The following EIF4G1 variants were observed in gnomAD, a reference collection of about 807,000 sequenced individuals.
The protein encoded by EIF4G1 is EIF4-gamma.
EIF4G1 carries 4 observed loss-of-function variants against 187.8 expected under a neutral mutation model. That is an observed-to-expected ratio of 0.02 (90% CI 0.01 to 0.05). The LOEUF (loss-of-function observed/expected upper bound fraction) is 0.05, where lower values mean the gene tolerates loss of function less well. Ranked by LOEUF, EIF4G1 falls within the 10% of genes least tolerant of loss-of-function variation. The pLI is 1.00. For synonymous variants in EIF4G1, 844 were observed against 781.4 expected, an observed-to-expected ratio of 1.08 and a Z score of -1.34; for missense variants, 1,647 against 2,081.1, an observed-to-expected ratio of 0.79 and a Z score of 4.06.
rs140705298 is a variant in EIF4G1, at chr3:184,326,538, C to G, written c.3234C>G (p.Ile1078Met). 3.1e-6 allele frequency: 5 copies of G among 1,613,744 alleles called. No individual in the cohort carries two copies. The highest frequency in any genetic ancestry group is 8.5e-7 in the Non-Finnish European group (1 of 1,180,034). The change falls in exon 22 of 33, where the codon ATC becomes ATG. Residue 1078 changes from isoleucine to methionine, a missense_variant. Coordinates refer to ENST00000346169, the MANE Select transcript of EIF4G1 (RefSeq NM_198241.3). ...RLTKITKPGS[I>M]DSNNQLFAPG... ...CTTTTCTTCTTCAGCCTGGCTCCATCGATTCTAACAACCAGCTCTTTGCAC... is the reference window on the plus strand; with the variant it reads ...CTTTTCTTCTTCAGCCTGGCTCCATGGATTCTAACAACCAGCTCTTTGCAC...
rs776300961 is a variant in EIF4G1, at chr3:184,320,747, C to T, written c.630+25C>T. 12 of 1,614,086 alleles carry T rather than the reference C, an allele frequency of 7.4e-6. No homozygotes were observed. In the South Asian group the frequency reaches 1.2e-4, roughly 16 times the overall value. ...GGTACTGTCTGCTTTTCGAGTGATACCCTGGCTGGGATGTCTGTTCTGCCC... is the reference window on the plus strand; with the variant it reads ...GGTACTGTCTGCTTTTCGAGTGATATCCTGGCTGGGATGTCTGTTCTGCCC... On this transcript the variant is annotated intron_variant, in intron 8 of 32. Coordinates refer to ENST00000346169, the MANE Select transcript of EIF4G1 (RefSeq NM_198241.3).
chr3:184,324,180 G>C, intron 16 of EIF4G1, 21 bp from the exon 17 acceptor site: 1 of 1,614,182 alleles, frequency 6.2e-7, no homozygotes, highest in South Asian at 1.1e-5. Flanking sequence ...TCTTGAGTGT[G>C]ACATTCTCTC....
At chr3:184,329,927 C>T (rs1560229273) in intron 28 of EIF4G1, among the ~76,000 whole-genome samples, 1 of 152,206 alleles carries the variant, frequency 6.6e-6, no homozygotes, top group African/African-American at 2.4e-5. Flanking sequence ...GGAGGAATCA[C>T]ACTTGGGATT....
Position 184,321,931 on chromosome 3 carries a change from T to C in EIF4G1, c.1347T>C (p.Thr449=). Residue 449 remains threonine, a synonymous_variant, in exon 10 of 33, where the codon ACT becomes ACC. Coordinates refer to ENST00000346169, the MANE Select transcript of EIF4G1 (RefSeq NM_198241.3). ...SATPATAPSA[T]SPAQEEEMEE... Reference sequence around the variant, plus strand: ...CTCCAGCTACGGCTCCTTCAGCTACTTCCCCAGCTCAGGAGGAGGAAATGG... The same window carrying C: ...CTCCAGCTACGGCTCCTTCAGCTACCTCCCCAGCTCAGGAGGAGGAAATGG... 2 of 1,614,152 alleles carry C rather than the reference T, an allele frequency of 1.2e-6. No homozygotes were observed. Among genetic ancestry groups the C allele is most frequent in the Non-Finnish European group, 1.7e-6 (2 of 1,180,028 alleles).
chr3:184,320,507 T>TG, intron 7 of EIF4G1, 123 bp from the exon 8 acceptor site: 1 of 1,569,832 alleles, frequency 6.4e-7, no homozygotes, highest in Admixed American at 1.9e-5. Context: ...AAGGGGTTTC[T>TG]GGCACCTACC....
intron 28 of EIF4G1, among the ~76,000 whole-genome samples, chr3:184,330,514 T>G (rs1429590255): frequency 6.6e-6 from 1 of 152,056 alleles, no homozygotes; most frequent in African/African-American, 2.4e-5. Flanking sequence ...AAGAAAAGAG[T>G]GATGTCTTCA....
rs1179896263 is a variant in EIF4G1, at chr3:184,323,061, CCT to C, written c.1930-21_1930-20del. 1.9e-6 allele frequency: 3 copies of C among 1,614,076 alleles called. No homozygotes were observed. Among genetic ancestry groups the C allele is most frequent in the Non-Finnish European group, 2.5e-6 (3 of 1,180,056 alleles). On this transcript the variant is annotated intron_variant, in intron 13 of 32. Transcript: ENST00000346169. The surrounding 1 kb of genome is among the most constrained non-coding windows in gnomAD (Gnocchi z 6.9). ...CAACCGCTCTAGCCTGCTTCTGAGA[CCT>C]TTTCCTGTCCTCTTTGCAGGCCAAT...
rs1263954354 is a variant in EIF4G1 at position 184,334,866 on chromosome 3, C to T, written c.4758C>T (p.Phe1586=). ...CCCTTAAATCTGTCACAGCCTTCTT[C>T]AAGTGGCTCCGTGAAGCAGAGGAGG... ...GVALKSVTAF[F]KWLREAEEES... is the part of the protein sequence containing the mutation. Residue 1586 remains phenylalanine, a synonymous_variant, in exon 33 of 33, where the codon TTC becomes TTT. Coordinates refer to ENST00000346169, the MANE Select transcript of EIF4G1 (RefSeq NM_198241.3). The surrounding 1 kb of genome is among the most constrained non-coding windows in gnomAD (Gnocchi z 5.8). The T allele has an allele frequency of 6.2e-7, 1 of 1,614,220 alleles. No homozygotes were observed. Among genetic ancestry groups the T allele is most frequent in the South Asian group, 1.1e-5 (1 of 91,084 alleles).
chr3:184,330,421 T>G (rs1181719667), intron 28 of EIF4G1, among the ~76,000 whole-genome samples: 2 of 152,076 alleles, frequency 1.3e-5, no homozygotes, highest in Non-Finnish European at 2.9e-5. Flanking sequence ...CAACTTTTAG[T>G]TAAAATGTGA....
At chr3:184,322,186 A>C (rs997719595) in intron 10 of EIF4G1, 83 bp downstream of exon 10, 16 of 1,601,610 alleles carry the variant, frequency 1.0e-5, no homozygotes, top group African/African-American at 4.0e-5. Context: ...CATTTTTGAC[A>C]TGTTTCTGGG....
At chr3:184,320,863 G>GCT in intron 8 of EIF4G1, 64 bp from the exon 9 acceptor site, 1 of 1,609,704 alleles carries the variant, frequency 6.2e-7, no homozygotes, top group Non-Finnish European at 8.5e-7. Context: ...AGTAGAAATG[G>GCT]CTCTAGTAAA....
chr3:184,315,330 G>T, intron 1 of EIF4G1, 159 bp from the exon 2 acceptor site: 1 of 511,398 alleles, frequency 2.0e-6, no homozygotes, highest in Non-Finnish European at 3.9e-6. Context: ...GGCCAGGCCC[G>T]AACCCGGTGT....
In EIF4G1 at chr3:184,334,997, G is replaced by A. The variant is rs1726861072; in HGVS notation, c.*89G>A. ...ACTGCAGGGGGGCGGCAGCAGCGGC[G>A]GTGGCAGTGGGTGCCTGTAGTGTGA... On this transcript the variant is annotated 3_prime_UTR_variant, in exon 33 of 33. Coordinates refer to ENST00000346169, the MANE Select transcript of EIF4G1 (RefSeq NM_198241.3). This position sits in a 1 kb window ranked among gnomAD's most constrained non-coding sequence, Gnocchi z 5.8. 9.2e-6 allele frequency: 14 copies of A among 1,518,314 alleles called. No individual in the cohort carries two copies. The highest frequency in any genetic ancestry group is 4.7e-5 in the East Asian group (2 of 42,808). 94.1% of individuals were successfully genotyped at this position (1,518,314 alleles called of 1,614,324 possible). A position where few individuals can be genotyped will look rare whatever the true frequency, so the allele number is the denominator to read the frequency against.
At chr3:184,316,662 G>A (rs780524408) in intron 4 of EIF4G1, 33 of 1,549,206 alleles carry the variant, frequency 2.1e-5, no homozygotes, top group African/African-American at 4.1e-5. Context: ...CCCTCCCCCC[G>A]CCATCACCTT....
At chr3:184,324,592 T>C (rs1724508098) in intron 17 of EIF4G1, among the ~76,000 whole-genome samples, 1 of 152,194 alleles carries the variant, frequency 6.6e-6, no homozygotes, top group African/African-American at 2.4e-5. Context: ...CCCAAGTAGC[T>C]GGGATTACAG....
At chr3:184,333,091 G>A (rs927671512) in intron 32 of EIF4G1, among the ~76,000 whole-genome samples, 6 of 152,166 alleles carry the variant, frequency 3.9e-5, no homozygotes, top group African/African-American at 1.4e-4. Context: ...AGAGGAGTAG[G>A]CAGATCAAGA....
chr3:184,325,931 C>A lies in EIF4G1; in HGVS notation c.3202C>A (p.Arg1068=). The A allele has an allele frequency of 3.7e-6, 6 of 1,614,080 alleles. No individual in the cohort carries two copies. The highest frequency in any genetic ancestry group is 5.1e-6 in the Non-Finnish European group (6 of 1,180,016). The change falls in exon 21 of 33, where the codon CGA becomes AGA. Residue 1068 remains arginine (R), a synonymous_variant. Coordinates refer to ENST00000346169, the MANE Select transcript of EIF4G1 (RefSeq NM_198241.3). This position sits in a 1 kb window ranked among gnomAD's most constrained non-coding sequence, Gnocchi z 5.2. Reference sequence around the variant, plus strand: ...AGGTAGCCGCCCCATTGACACCTCACGACTCACCAAGATCACCAAGGTAGG... The same window carrying A: ...AGGTAGCCGCCCCATTGACACCTCAAGACTCACCAAGATCACCAAGGTAGG... The part of the protein sequence containing the change: ...SKGSRPIDTS[R]LTKITKPGSI...
rs377550633 is a variant in EIF4G1, at chr3:184,325,156, T to A, written c.2856+42T>A. Reference sequence around the variant, plus strand: ...CTGGAGGGGGATGGGCTGAAGCATATGTGGGGCTCACTGAGCCCACAATGA... The same window carrying A: ...CTGGAGGGGGATGGGCTGAAGCATAAGTGGGGCTCACTGAGCCCACAATGA... On this transcript the variant is annotated intron_variant, in intron 18 of 32. Transcript: ENST00000346169. The surrounding 1 kb of genome is among the most constrained non-coding windows in gnomAD (Gnocchi z 5.2). The A allele has an allele frequency of 9.5e-5, 152 of 1,608,316 alleles. No individual in the cohort carries two copies. The South Asian group carries it at 1.5e-3, about 15-fold the overall frequency.
At chr3:184,320,820 T>C (rs754225625) in intron 8 of EIF4G1, 98 bp downstream of exon 8, 1 of 1,607,002 alleles carries the variant, frequency 6.2e-7, no homozygotes, top group Non-Finnish European at 8.5e-7. Flanking sequence ...GGGATTTATT[T>C]CCCTGCTTTC....
Sources: gnomAD v4.1 joint callset for allele counts (sites outside exome capture counted in the v4.1 genomes callset) on GRCh38, gnomAD v4.1.1 for gene constraint, Gnocchi (gnomAD v3.1) non-coding constraint, MANE v1.5 for transcripts, NCBI Gene and HGNC (gene_info 2026-07-23, HGNC 2026-07-21) for gene names.